EYS: variants seen among roughly 807,000 people sequenced by gnomAD.
EYS encodes the protein protein eyes shut homolog.
A neutral mutation model predicts 282.1 loss-of-function variants in EYS; 250 were observed. That is an observed-to-expected ratio of 0.89 (90% CI 0.80 to 0.98). EYS has a LOEUF of 0.98. Ranked by LOEUF, EYS falls within the 50% of genes least tolerant of loss-of-function variation. The pLI is 0.00. For synonymous variants in EYS, 1,355 were observed against 1,282.9 expected, an observed-to-expected ratio of 1.06 and a Z score of -1.20; for missense variants, 4,016 against 3,709.0, an observed-to-expected ratio of 1.08 and a Z score of -2.15.
intron 22 of EYS, among the ~76,000 whole-genome samples, chr6:64,699,162 G>A (rs1162444587): frequency 2.6e-5 from 4 of 152,140 alleles, no homozygotes; most frequent in Non-Finnish European, 1.5e-5. Context: ...ACAAGATCAT[G>A]TCTTTTGTGG....
intron 2 of EYS, among the ~76,000 whole-genome samples, chr6:65,514,278 T>G (rs370973754): frequency 1.3e-4 from 20 of 151,972 alleles, no homozygotes; most frequent in African/African-American, 4.3e-4. Flanking sequence ...CACTGCTCAA[T>G]GAAATAAAAG....
intron 41 of EYS, among the ~76,000 whole-genome samples, chr6:63,736,805 C>T (rs1361666992): frequency 6.6e-6 from 1 of 151,552 alleles, no homozygotes; most frequent in African/African-American, 2.4e-5. Flanking sequence ...TCCTTCACGT[C>T]CCTTGTAAGT....
intron 35 of EYS, among the ~76,000 whole-genome samples, chr6:63,950,519 C>A (rs2149764962): frequency 6.6e-6 from 1 of 152,234 alleles, no homozygotes; most frequent in African/African-American, 2.4e-5. Context: ...AGCCCACCTG[C>A]ACCCAGGTGA....
At chr6:65,334,680 T>G (rs1769917084) in intron 11 of EYS, among the ~76,000 whole-genome samples, 1 of 151,874 alleles carries the variant, frequency 6.6e-6, no homozygotes, top group Non-Finnish European at 1.5e-5. Flanking sequence ...GTACACATCT[T>G]AACTTAGCAG....
intron 13 of EYS, among the ~76,000 whole-genome samples, chr6:65,035,155 C>G (rs941682246): frequency 2.0e-5 from 3 of 151,984 alleles, no homozygotes; most frequent in Non-Finnish European, 4.4e-5. Flanking sequence ...TTCAATAACA[C>G]TCATCGTCAC....
At chr6:65,378,293 A>G (rs75991038) in intron 8 of EYS, among the ~76,000 whole-genome samples, 2 of 152,208 alleles carry the variant, frequency 1.3e-5, no homozygotes, top group African/African-American at 2.4e-5. Context: ...AAAGCTCATC[A>G]TCACTGGTCA....
intron 31 of EYS, among the ~76,000 whole-genome samples, chr6:64,204,030 C>T (rs1483355401): frequency 6.6e-6 from 1 of 152,126 alleles, no homozygotes. Flanking sequence ...AGAATTAAAT[C>T]ACATTTGACT....
At chr6:64,805,333 A>T (rs916338695) in intron 22 of EYS, among the ~76,000 whole-genome samples, 5 of 151,992 alleles carry the variant, frequency 3.3e-5, no homozygotes, top group African/African-American at 1.2e-4. Context: ...GAAATCTATT[A>T]TATTGAATGC....
At chr6:65,582,442 T>C (rs1764906140) in intron 2 of EYS, among the ~76,000 whole-genome samples, 1 of 152,150 alleles carries the variant, frequency 6.6e-6, no homozygotes, top group African/African-American at 2.4e-5. Flanking sequence ...CCCTTAGTCC[T>C]GTTTATAGAG....
intron 33 of EYS, among the ~76,000 whole-genome samples, chr6:64,053,717 C>T (rs989358992): frequency 3.9e-5 from 6 of 152,100 alleles, no homozygotes; most frequent in Non-Finnish European, 7.4e-5. Context: ...GCTATTTTAT[C>T]ATTAATATAA....
chr6:64,405,978 C>G lies in EYS; in HGVS notation c.5928-17138G>C, dbSNP rs189264498. Among the ~76,000 whole-genome samples, 47 of 150,922 alleles carry G rather than the reference C, an allele frequency of 3.1e-4. No homozygotes were observed. In the East Asian group the frequency reaches 8.9e-3, roughly 29 times the overall value. ...TACTACTTTAAATTTCACATGGAAC[C>G]AAAAAAAAATCCCATATAGCCAAGA... On this transcript the variant is annotated intron_variant, in intron 28 of 42. Coordinates refer to ENST00000503581, the MANE Select transcript of EYS (RefSeq NM_001142800.2).
chr6:65,564,322 C>T (rs185928013), intron 2 of EYS, among the ~76,000 whole-genome samples: 124 of 152,208 alleles, frequency 8.1e-4, no homozygotes, highest in African/African-American at 2.7e-3. Flanking sequence ...CCAAGACAAT[C>T]CTAAGCAAAA....
At chr6:65,407,995 T>C (rs1427677521) in intron 5 of EYS, among the ~76,000 whole-genome samples, 1 of 152,106 alleles carries the variant, frequency 6.6e-6, no homozygotes, top group African/African-American at 2.4e-5. Flanking sequence ...GTTTTTATAA[T>C]GAATAGGTGT....
intron 31 of EYS, among the ~76,000 whole-genome samples, chr6:64,207,542 T>C (rs899622882): frequency 6.6e-6 from 1 of 152,122 alleles, no homozygotes; most frequent in Non-Finnish European, 1.5e-5. Context: ...GTCTTAATTA[T>C]CTGAAGGATA....
chr6:65,199,309 T>A (rs1338990886), intron 12 of EYS, among the ~76,000 whole-genome samples: 1 of 152,118 alleles, frequency 6.6e-6, no homozygotes, highest in Admixed American at 6.6e-5. Flanking sequence ...TAGCCAAAAC[T>A]TCAAAACAGG....
At chr6:64,418,743 G>A in intron 28 of EYS, among the ~76,000 whole-genome samples, 1 of 151,810 alleles carries the variant, frequency 6.6e-6, no homozygotes, top group East Asian at 1.9e-4. Context: ...GCTGCAATTG[G>A]AATATATGAC....
intron 12 of EYS, among the ~76,000 whole-genome samples, chr6:65,272,080 T>C (rs1018620706): frequency 7.2e-5 from 11 of 152,206 alleles, no homozygotes. Context: ...CTCATCCTTT[T>C]CTTTTCCCAG....
chr6:63,749,077 G>C (rs188441947), intron 41 of EYS, among the ~76,000 whole-genome samples: 1 of 152,160 alleles, frequency 6.6e-6, no homozygotes, highest in East Asian at 1.9e-4. Context: ...GTGATGTTAG[G>C]TTGTTAAATT....
chr6:63,950,854 C>A (rs935576366), intron 35 of EYS, among the ~76,000 whole-genome samples: 1 of 152,060 alleles, frequency 6.6e-6, no homozygotes, highest in African/African-American at 2.4e-5. Context: ...AGTTCCTTTC[C>A]TTTTCTGGTA....
Sources: allele counts gnomAD v4.1 joint callset (sites outside exome capture counted in the v4.1 genomes callset), GRCh38; gene constraint gnomAD v4.1.1; transcripts MANE v1.5; gene names NCBI Gene and HGNC (gene_info 2026-07-23, HGNC 2026-07-21).